The following ABCA12 variants were observed in gnomAD, a reference collection of about 807,000 sequenced individuals.
ABCA12 encodes glucosylceramide transporter ABCA12.
A neutral mutation model predicts 293.5 loss-of-function variants in ABCA12; 156 were observed. The observed-to-expected ratio is 0.53, with a 90% confidence interval of 0.47 to 0.61. The LOEUF (loss-of-function observed/expected upper bound fraction) is 0.61, where lower values mean the gene tolerates loss of function less well. Ranked by LOEUF, ABCA12 falls within the 20% of genes least tolerant of loss-of-function variation. The probability of loss-of-function intolerance (pLI) is 0.00; values close to 1 mark genes in which losing one functional copy is unlikely to be tolerated. For synonymous variants in ABCA12, 1,063 were observed against 1,108.0 expected, an observed-to-expected ratio of 0.96 and a Z score of 0.81; for missense variants, 2,797 against 3,090.2, an observed-to-expected ratio of 0.91 and a Z score of 2.25.
At position 215,134,225 on chromosome 2, in the gene ABCA12, C is replaced by CAT. The variant is rs573868982; in HGVS notation, c.69+3913_69+3914dup. Among the ~76,000 whole-genome samples, 52 of 136,504 alleles carry CAT rather than the reference C, an allele frequency of 3.8e-4. 1 individual carries two copies. Among genetic ancestry groups the CAT allele is most frequent in the South Asian group, 8.7e-4 (4 of 4,586 alleles). The allele number at this position is 136,504 out of a possible 152,430, so 89.6% of individuals were successfully genotyped here. A position where few individuals can be genotyped will look rare whatever the true frequency, so the allele number is the denominator to read the frequency against. On this transcript the variant is annotated intron_variant, in intron 1 of 52. Transcript: ENST00000272895. ...ATTCTCTTCTCATTTTCTATTTTAG[C>CAT]ATATATATATGTATATGTGTATATA...
chr2:215,013,851 T>C (rs1226455833), intron 15 of ABCA12, among the ~76,000 whole-genome samples: 1 of 152,184 alleles, frequency 6.6e-6, no homozygotes, highest in African/African-American at 2.4e-5. Flanking sequence ...GAGGCCCTTG[T>C]GGAACTAACA....
intron 33 of ABCA12, among the ~76,000 whole-genome samples, chr2:214,977,337 C>T (rs1318902872): frequency 6.6e-6 from 1 of 152,032 alleles, no homozygotes; most frequent in Admixed American, 6.6e-5. Context: ...AATAAAAGTC[C>T]TCAATGCCAT....
rs545211116 is a variant in ABCA12, at chr2:214,948,522, G to A, written c.7104+74C>T. 16 of 1,493,256 alleles carry A rather than the reference G, an allele frequency of 1.1e-5. No individual in the cohort carries two copies. In the South Asian group the frequency reaches 1.2e-4, roughly 11 times the overall value. The allele number at this position is 1,493,256 out of a possible 1,614,324, so 92.5% of individuals were successfully genotyped here. A position where few individuals can be genotyped will look rare whatever the true frequency, so the allele number is the denominator to read the frequency against. On this transcript the variant is annotated intron_variant, in intron 47 of 52. Transcript: ENST00000272895. Reference sequence around the variant, plus strand: ...AATGGTGGGGCAGGGGGGACAGTGGGTGTGGTGGGGTGGGGGATGGAAGTA... The same window carrying A: ...AATGGTGGGGCAGGGGGGACAGTGGATGTGGTGGGGTGGGGGATGGAAGTA...
At chr2:215,096,024 G>T (rs1702243395) in intron 2 of ABCA12, among the ~76,000 whole-genome samples, 1 of 152,240 alleles carries the variant, frequency 6.6e-6, no homozygotes, top group African/African-American at 2.4e-5. Flanking sequence ...ACACGGACGT[G>T]CATAACAATA....
Position 214,948,734 on chromosome 2 carries a change from A to C in ABCA12, c.6966T>G (p.Ser2322=). The C allele has an allele frequency of 6.2e-7, 1 of 1,614,118 alleles. No individual in the cohort carries two copies. Among genetic ancestry groups the C allele is most frequent in the Non-Finnish European group, 8.5e-7 (1 of 1,179,980 alleles). ...GNILIRNKTG[S]LGHVDSHSSL... Reference sequence around the variant, plus strand: ...AGCTGTGAGAATCAACGTGACCCAGAGATCTGAATTGAGAGAATCAAAAAC... The same window carrying C: ...AGCTGTGAGAATCAACGTGACCCAGCGATCTGAATTGAGAGAATCAAAAAC... Residue 2322 remains serine, a synonymous_variant, in exon 47 of 53, where the codon TCT becomes TCG. Transcript: ENST00000272895.
At chr2:215,054,157 C>T (rs887328151) in intron 4 of ABCA12, among the ~76,000 whole-genome samples, 11 of 152,030 alleles carry the variant, frequency 7.2e-5, no homozygotes, top group African/African-American at 2.4e-4. Flanking sequence ...GCTGTAGATA[C>T]AGCACTTAAC....
At chr2:215,011,922 A>G (rs762625012) in intron 16 of ABCA12, 49 bp downstream of exon 16, 3 of 1,586,634 alleles carry the variant, frequency 1.9e-6, no homozygotes, top group South Asian at 2.2e-5. Context: ...ACTACTCAAT[A>G]TGACAGAAGG....
At chr2:215,042,385 C>A (rs1188061920) in intron 7 of ABCA12, 2 of 152,040 alleles carry the variant, frequency 1.3e-5, no homozygotes, top group Admixed American at 6.6e-5. Context: ...CACAGGTATG[C>A]ACTACCATGC....
rs765578713 is a variant in ABCA12, at chr2:214,983,874, G to T, written c.4164-9C>A. 2 of 1,611,798 alleles carry T rather than the reference G, an allele frequency of 1.2e-6. No homozygotes were observed. The highest frequency in any genetic ancestry group is 2.7e-5 in the African/African-American group (2 of 74,858). The stretch of plus-strand genomic sequence containing the variant: ...GCCCAGTTAACATGGAACTGGAAAT[G>T]AAGAAATGATAAATTAGGTATAAGC... On this transcript the variant is annotated splice_polypyrimidine_tract_variant and intron_variant, in intron 28 of 52. Coordinates refer to ENST00000272895, the MANE Select transcript of ABCA12 (RefSeq NM_173076.3).
intron 1 of ABCA12, among the ~76,000 whole-genome samples, chr2:215,130,764 C>T (rs570793361): frequency 6.6e-6 from 1 of 152,210 alleles, no homozygotes; most frequent in Non-Finnish European, 1.5e-5. Context: ...CTAGCTAGGA[C>T]TTTCAGTGCT....
In ABCA12 at chr2:214,951,042, G is replaced by T; in HGVS notation, c.6689C>A (p.Thr2230Lys). 1 of 1,613,990 alleles carries T rather than the reference G, an allele frequency of 6.2e-7. No individual in the cohort carries two copies. Among genetic ancestry groups the T allele is most frequent in the East Asian group, 2.2e-5 (1 of 44,868 alleles). ...CCGCACATCTTCATCCTCATCTATT[G>T]TCTCCCTTACATGTGAAGAATTAAA... is the stretch of plus-strand genomic sequence containing the variant. ...RKFNSSHVRE[T>K]IDEDEDVRAE... Residue 2230 changes from threonine (T) to lysine (K), a missense_variant, in exon 45 of 53, where the codon ACA becomes AAA. Physicochemically the swap from Thr to Lys is moderately conservative, Grantham distance 78 (BLOSUM62 -1). Coordinates refer to ENST00000272895, the MANE Select transcript of ABCA12 (RefSeq NM_173076.3).
At position 215,126,503 on chromosome 2, in the gene ABCA12, T is replaced by A. The variant is rs553682857; in HGVS notation, c.69+11637A>T. On this transcript the variant is annotated intron_variant, in intron 1 of 52. Coordinates refer to ENST00000272895, the MANE Select transcript of ABCA12 (RefSeq NM_173076.3). ...GCTTGTTATTGGTCTGTTTAGGGTATCTAATTCTTTCTGATTTAAGCTAGG... is the reference window on the plus strand; with the variant it reads ...GCTTGTTATTGGTCTGTTTAGGGTAACTAATTCTTTCTGATTTAAGCTAGG... Among the ~76,000 whole-genome samples, 12 of 152,304 alleles carry A rather than the reference T, an allele frequency of 7.9e-5. No individual in the cohort carries two copies. The South Asian group carries it at 2.5e-3, about 32-fold the overall frequency.
chr2:214,954,342 C>T (rs1262644489), intron 43 of ABCA12, among the ~76,000 whole-genome samples: 1 of 152,036 alleles, frequency 6.6e-6, no homozygotes, highest in Non-Finnish European at 1.5e-5. Context: ...AATGTTGGAC[C>T]TAATCCTGGA....
chr2:214,966,827 C>T, intron 39 of ABCA12, 21 bp downstream of exon 39: 1 of 1,610,462 alleles, frequency 6.2e-7, no homozygotes, highest in Non-Finnish European at 8.5e-7. Context: ...ATACAGGACA[C>T]TTTTGTGTTA....
At position 215,000,783 on chromosome 2, in the gene ABCA12, T is replaced by C; in HGVS notation, c.3101A>G (p.Glu1034Gly). The C allele has an allele frequency of 1.2e-6, 2 of 1,614,096 alleles. No homozygotes were observed. Among genetic ancestry groups the C allele is most frequent in the Non-Finnish European group, 1.7e-6 (2 of 1,179,962 alleles). Residue 1034 changes from glutamate (E) to glycine (G), a missense_variant, in exon 22 of 53, where the codon GAA becomes GGA. Transcript: ENST00000272895. Reference protein sequence around the residue: ...LQDSIERAIIELQTGRNSQEI... With the variant: ...LQDSIERAIIGLQTGRNSQEI... The stretch of plus-strand genomic sequence containing the variant: ...CTGGGAGTTCCTTCCAGTTTGCAAT[T>C]CAATGATTGCTCTTTCAATACTATC...
chr2:215,078,429 G>T (rs1181345866), intron 2 of ABCA12, among the ~76,000 whole-genome samples: 19 of 152,174 alleles, frequency 1.2e-4, no homozygotes, highest in Non-Finnish European at 1.5e-5. Context: ...TTTACTGTAT[G>T]GATGCTATCA....
chr2:214,944,152 C>A (rs13018105), intron 49 of ABCA12, among the ~76,000 whole-genome samples: 26 of 142,272 alleles, frequency 1.8e-4, no homozygotes, highest in Admixed American at 5.0e-4. Flanking sequence ...GTGGCTCATG[C>A]CTGTAATCCC....
intron 2 of ABCA12, among the ~76,000 whole-genome samples, chr2:215,110,866 C>G (rs1275303696): frequency 6.6e-6 from 1 of 152,190 alleles, no homozygotes; most frequent in Admixed American, 6.5e-5. Context: ...CTTTGTGAAG[C>G]AAGAAGTGTC....
At chr2:215,040,448 TA>T (rs892809375) in intron 7 of ABCA12, among the ~76,000 whole-genome samples, 14 of 148,702 alleles carry the variant, frequency 9.4e-5, no homozygotes, top group African/African-American at 3.4e-4. Context: ...TATTATTAAA[TA>T]AAAAAAAGAC....
Sources: allele counts gnomAD v4.1 joint callset (sites outside exome capture counted in the v4.1 genomes callset), GRCh38; gene constraint gnomAD v4.1.1; transcripts MANE v1.5; gene names NCBI Gene and HGNC (gene_info 2026-07-23, HGNC 2026-07-21).